TUBA1C: variants seen among roughly 807,000 people sequenced by gnomAD.
The protein encoded by TUBA1C is tubulin alpha-1C chain.
TUBA1C carries 16 observed loss-of-function variants against 34.9 expected under a neutral mutation model. The observed-to-expected ratio is 0.46, with a 90% CI of 0.31 to 0.70. TUBA1C has a LOEUF of 0.70. Ranked by LOEUF, TUBA1C falls within the 30% of genes least tolerant of loss-of-function variation. The pLI is 0.05. For missense variants in TUBA1C, 329 were observed against 587.3 expected (o/e 0.56, Z 4.55); for synonymous variants, 177 against 215.9 (o/e 0.82, Z 1.58).
intron 1 of TUBA1C, chr12:49,256,516 G>C (rs920941884): frequency 2.3e-6 from 1 of 437,546 alleles, no homozygotes; most frequent in African/African-American, 2.0e-5. Flanking sequence ...TACAAGGTCA[G>C]TGGGGACTGA....
At chr12:49,271,640 A>G (rs1681658979) in intron 3 of TUBA1C, among the ~76,000 whole-genome samples, 1 of 152,236 alleles carries the variant, frequency 6.6e-6, no homozygotes, top group Non-Finnish European at 1.5e-5. Context: ...GCCTGACTCC[A>G]GTACCAGGGT....
At chr12:49,236,975 T>G (rs1230061711) in intron 1 of TUBA1C, among the ~76,000 whole-genome samples, 1 of 152,226 alleles carries the variant, frequency 6.6e-6, no homozygotes, top group Non-Finnish European at 1.5e-5. Flanking sequence ...CAATATGTTA[T>G]AAGGACATCC....
upstream of TUBA1C, among the ~76,000 whole-genome samples, chr12:49,264,197 GTGACA>G (rs1942868735): frequency 6.7e-6 from 1 of 149,234 alleles, no homozygotes; most frequent in Non-Finnish European, 1.5e-5. Context: ...TCCAGCCTGG[GTGACA>G]GAACGAGACT....
chr12:49,264,876 T>A (rs1942882245), upstream of TUBA1C: 4 of 138,052 alleles, frequency 2.9e-5, no homozygotes, highest in Non-Finnish European at 5.8e-5. Context: ...CTCCTCTTCC[T>A]GCTCCTGGCT....
chr12:49,241,519 G>A (rs1942614571), intron 1 of TUBA1C, among the ~76,000 whole-genome samples: 1 of 152,144 alleles, frequency 6.6e-6, no homozygotes, highest in Non-Finnish European at 1.5e-5. Context: ...ATGTGAGTGT[G>A]AGTTTAAGGC....
intron 1 of TUBA1C, among the ~76,000 whole-genome samples, chr12:49,252,536 G>A (rs1381683159): frequency 6.6e-6 from 1 of 152,168 alleles, no homozygotes; most frequent in East Asian, 1.9e-4. Flanking sequence ...GAAGCTTTGG[G>A]GGAAGTTGAG....
chr12:49,265,604 G>A (rs1489928513), intron 1 of TUBA1C, among the ~76,000 whole-genome samples: 1 of 152,200 alleles, frequency 6.6e-6, no homozygotes, highest in Non-Finnish European at 1.5e-5. Context: ...CCGCACCGAC[G>A]GTGCAGCACT....
At chr12:49,229,946 C>T (rs1942479048) in intron 1 of TUBA1C, among the ~76,000 whole-genome samples, 1 of 152,048 alleles carries the variant, frequency 6.6e-6, no homozygotes, top group South Asian at 2.1e-4. Context: ...TACCACCATA[C>T]CTGGCTAATT....
intron 1 of TUBA1C, among the ~76,000 whole-genome samples, chr12:49,241,013 C>T (rs942332340): frequency 4.6e-5 from 7 of 151,974 alleles, no homozygotes; most frequent in Non-Finnish European, 1.0e-4. Context: ...GCGATTCTCC[C>T]GCCTCAGCCT....
At chr12:49,265,385 C>G (rs1592285567) in intron 1 of TUBA1C, among the ~76,000 whole-genome samples, 1 of 152,222 alleles carries the variant, frequency 6.6e-6, no homozygotes, top group East Asian at 1.9e-4. Flanking sequence ...AAACCTGGCC[C>G]GGGTGCGGCC....
chr12:49,247,139 C>CAAA (rs202143595), intron 1 of TUBA1C, among the ~76,000 whole-genome samples: 2 of 115,446 alleles, frequency 1.7e-5, no homozygotes, highest in Non-Finnish European at 3.7e-5. Flanking sequence ...GACTCCATCT[C>CAAA]AAAAAAAAAA....
At chr12:49,265,589 C>T (rs993456697) in intron 1 of TUBA1C, among the ~76,000 whole-genome samples, 2 of 152,224 alleles carry the variant, frequency 1.3e-5, no homozygotes, top group Non-Finnish European at 2.9e-5. Context: ...GGCCCTCGTG[C>T]GCTCCCGCAC....
At chr12:49,267,145 C>A (rs1188782175) in intron 1 of TUBA1C, among the ~76,000 whole-genome samples, 1 of 152,178 alleles carries the variant, frequency 6.6e-6, no homozygotes, top group Non-Finnish European at 1.5e-5. Flanking sequence ...AAGTCAGTGG[C>A]CGCTGACTGC....
chr12:49,270,347 C>T (rs1159081608), intron 3 of TUBA1C, among the ~76,000 whole-genome samples: 2 of 152,200 alleles, frequency 1.3e-5, no homozygotes, highest in Non-Finnish European at 2.9e-5. Flanking sequence ...AAGCCAGTGT[C>T]ACACTGACAA....
upstream of TUBA1C, among the ~76,000 whole-genome samples, chr12:49,263,583 C>T (rs1269979201): frequency 3.9e-5 from 6 of 152,114 alleles, no homozygotes; most frequent in Non-Finnish European, 7.3e-5. Context: ...CTGCCTCGGC[C>T]TCCCAAAGTG....
At chr12:49,242,668 T>C (rs930752298) in intron 1 of TUBA1C, among the ~76,000 whole-genome samples, 1 of 151,028 alleles carries the variant, frequency 6.6e-6, no homozygotes, top group Non-Finnish European at 1.5e-5. Context: ...TGTTGTTATT[T>C]ATACAGACAG....
intron 1 of TUBA1C, among the ~76,000 whole-genome samples, chr12:49,249,864 C>CAAT (rs767535451): frequency 8.0e-4 from 120 of 150,788 alleles, no homozygotes; most frequent in African/African-American, 2.0e-3. Flanking sequence ...ACATTGTCTC[C>CAAT]AATAATAATA....
intron 3 of TUBA1C, among the ~76,000 whole-genome samples, chr12:49,271,645 C>T (rs1297454051): frequency 1.3e-5 from 2 of 152,190 alleles, no homozygotes; most frequent in Non-Finnish European, 2.9e-5. Context: ...ACTCCAGTAC[C>T]AGGGTGTTAG....
chr12:49,242,294 A>C (rs371031117), intron 1 of TUBA1C, among the ~76,000 whole-genome samples: 3 of 151,868 alleles, frequency 2.0e-5, no homozygotes, highest in Non-Finnish European at 4.4e-5. Flanking sequence ...CCCGGCCAAA[A>C]GTTTACAGCC....
Sources: gnomAD v4.1 joint callset for allele counts (sites outside exome capture counted in the v4.1 genomes callset) on GRCh38, gnomAD v4.1.1 for gene constraint, MANE v1.5 for transcripts, NCBI Gene and HGNC (gene_info 2026-07-23, HGNC 2026-07-21) for gene names.